Variants in PLEKHG7 observed in about 807,000 individuals in gnomAD.
The protein encoded by PLEKHG7 is pleckstrin homology and RhoGEF domain containing G7.
PLEKHG7 carries 77 observed loss-of-function variants against 85.2 expected under a neutral mutation model. That is an observed-to-expected ratio of 0.90 (90% CI 0.75 to 1.09). PLEKHG7 has a LOEUF of 1.09. Ranked by LOEUF, PLEKHG7 falls within the 50% of genes least tolerant of loss-of-function variation. PLEKHG7 has a pLI of 0.00. For synonymous variants in PLEKHG7, 301 were observed against 302.4 expected, an observed-to-expected ratio of 1.00 and a Z score of 0.05; for missense variants, 777 against 804.3, an observed-to-expected ratio of 0.97 and a Z score of 0.41.
intron 10 of PLEKHG7, among the ~76,000 whole-genome samples, chr12:92,749,114 A>G (rs910180488): frequency 2.6e-5 from 4 of 152,334 alleles, no homozygotes. Context: ...TTCTTGGAGA[A>G]CGTAAACCTA....
intron 6 of PLEKHG7, among the ~76,000 whole-genome samples, chr12:92,737,173 T>C (rs1872181541): frequency 6.6e-6 from 1 of 152,192 alleles, no homozygotes; most frequent in Non-Finnish European, 1.5e-5. Flanking sequence ...TTAGGAGGAA[T>C]TGGCATCCCG....
At chr12:92,761,667 A>AAAG (rs942717827) in intron 13 of PLEKHG7, 85 bp from the exon 14 acceptor site, 15 of 1,264,578 alleles carry the variant, frequency 1.2e-5, no homozygotes, top group African/African-American at 1.7e-5. Context: ...AGAAAGAAAG[A>AAAG]AAGAAAGAAA....
At chr12:92,754,388 G>A in intron 11 of PLEKHG7, 124 bp downstream of exon 11, 2 of 922,058 alleles carry the variant, frequency 2.2e-6, no homozygotes, top group Admixed American at 4.8e-5. Flanking sequence ...TGGAAATGTG[G>A]GTTCAAGTGT....
intron 10 of PLEKHG7, among the ~76,000 whole-genome samples, chr12:92,748,725 C>T (rs4760494): frequency 6.6e-6 from 1 of 151,920 alleles, no homozygotes; most frequent in Non-Finnish European, 1.5e-5. Context: ...AGAACCATAG[C>T]AAGATTTTCA....
intron 3 of PLEKHG7, among the ~76,000 whole-genome samples, chr12:92,713,429 C>T (rs1022095538): frequency 4.6e-5 from 7 of 152,146 alleles, no homozygotes; most frequent in Non-Finnish European, 7.4e-5. Flanking sequence ...TTCTGATTGC[C>T]GCTTTGCCTC....
rs190140662 is a variant in PLEKHG7 at position 92,724,446 on chromosome 12, G to A, written c.531-4547G>A. Among the ~76,000 whole-genome samples, 359 of 152,250 alleles carry A rather than the reference G, an allele frequency of 2.4e-3. 2 individuals carry two copies. The highest frequency in any genetic ancestry group is 2.8e-3 in the Non-Finnish European group (187 of 67,998). ...AGTAGAGAAAAAGTCAAACAGGACC[G>A]TAGAATGCTGAAAGATGGCCTCATC... On this transcript the variant is annotated intron_variant, in intron 3 of 16. Coordinates refer to ENST00000344636, the MANE Select transcript of PLEKHG7 (RefSeq NM_001377329.1).
chr12:92,734,538 C>T (rs1045646200), intron 5 of PLEKHG7, among the ~76,000 whole-genome samples: 5 of 152,172 alleles, frequency 3.3e-5, no homozygotes, highest in Non-Finnish European at 4.4e-5. Context: ...GACTAGTTTG[C>T]CTGAGGACAC....
chr12:92,770,099 G>A lies in PLEKHG7; in HGVS notation c.1980G>A (p.Met660Ile). Residue 660 changes from methionine (M) to isoleucine (I), a missense_variant, in exon 17 of 17, where the codon ATG (methionine) becomes ATA (isoleucine). This residue lies in a region of PLEKHG7 where 520 missense variants were observed against 544.0 expected (regional missense o/e 0.96). Coordinates refer to ENST00000344636, the MANE Select transcript of PLEKHG7 (RefSeq NM_001377329.1). ...AQTENIKKTW[M>I]AQITTAISCF... ...CTTTTTTTCAACAGAAAACATGGAT[G>A]GCACAAATAACAACTGCAATTTCTT... The A allele has an allele frequency of 1.3e-6, 2 of 1,588,222 alleles. No homozygotes were observed. The highest frequency in any genetic ancestry group is 1.7e-6 in the Non-Finnish European group (2 of 1,169,828).
At position 92,706,518 on chromosome 12, in the gene PLEKHG7, C is replaced by T. The variant is rs374059519; in HGVS notation, c.-114C>T. ...CTCCTCTGGAAAAGGAAAAGAACTA[C>T]GAGAGGAAGCATGGCACTTGGATGC... On this transcript the variant is annotated 5_prime_UTR_variant, in exon 2 of 17. It adds an upstream start codon to the 5' untranslated region. Transcript: ENST00000344636. The T allele has an allele frequency of 1.1e-5, 14 of 1,304,626 alleles. No individual in the cohort carries two copies. Among genetic ancestry groups the T allele is most frequent in the South Asian group, 6.2e-5 (4 of 64,410 alleles). 80.8% of individuals were successfully genotyped at this position (1,304,626 alleles called of 1,614,324 possible). A position where few individuals can be genotyped will look rare whatever the true frequency, so the allele number is the denominator to read the frequency against.
chr12:92,758,051 A>G (rs540429380), intron 13 of PLEKHG7, among the ~76,000 whole-genome samples: 3 of 152,318 alleles, frequency 2.0e-5, no homozygotes, highest in Admixed American at 1.3e-4. Flanking sequence ...AAACATAACA[A>G]TTTTAACTTT....
At chr12:92,753,532 ACT>A (rs1872747104) in intron 10 of PLEKHG7, among the ~76,000 whole-genome samples, 1 of 149,922 alleles carries the variant, frequency 6.7e-6, no homozygotes, top group Non-Finnish European at 1.5e-5. Context: ...CCAACTCCAA[ACT>A]CTCCCTATTG....
At chr12:92,747,033 A>G (rs4760401) in intron 10 of PLEKHG7, among the ~76,000 whole-genome samples, 32,857 of 152,184 alleles carry the variant, frequency 0.22, 4,738 homozygotes, top group Non-Finnish European at 0.32. Context: ...GACAAATAGT[A>G]CTATATTAAA....
intron 3 of PLEKHG7, among the ~76,000 whole-genome samples, chr12:92,723,525 T>C (rs553625783): frequency 6.6e-6 from 1 of 152,346 alleles, no homozygotes; most frequent in Non-Finnish European, 1.5e-5. Flanking sequence ...TATTATAATA[T>C]ATTCAATAAT....
At chr12:92,757,096 G>T (rs1037865487) in intron 13 of PLEKHG7, among the ~76,000 whole-genome samples, 9 of 152,222 alleles carry the variant, frequency 5.9e-5, no homozygotes, top group African/African-American at 2.2e-4. Context: ...AGAGTACATA[G>T]GAAGCCAAGC....
At chr12:92,711,085 T>C (rs1178279541) in intron 3 of PLEKHG7, among the ~76,000 whole-genome samples, 2 of 152,154 alleles carry the variant, frequency 1.3e-5, no homozygotes, top group African/African-American at 4.8e-5. Flanking sequence ...TAAATCAGTA[T>C]ATAATCGCAC....
chr12:92,727,947 T>TGTGC, intron 3 of PLEKHG7, among the ~76,000 whole-genome samples: 1 of 131,072 alleles, frequency 7.6e-6, no homozygotes. Flanking sequence ...TGTGTGTGTG[T>TGTGC]GTGTGTGTGT....
intron 7 of PLEKHG7, among the ~76,000 whole-genome samples, chr12:92,738,489 T>C (rs1405930445): frequency 6.6e-6 from 1 of 152,172 alleles, no homozygotes; most frequent in Admixed American, 6.5e-5. Flanking sequence ...AAACCAGGGG[T>C]TGACAAATCT....
intron 3 of PLEKHG7, chr12:92,708,010 C>G (rs1871289713): frequency 3.1e-6 from 1 of 325,930 alleles, no homozygotes; most frequent in Admixed American, 4.4e-5. Flanking sequence ...TATGCAACAG[C>G]TTTTCAAAGA....
At chr12:92,710,717 T>A (rs1165301151) in intron 3 of PLEKHG7, among the ~76,000 whole-genome samples, 3 of 152,222 alleles carry the variant, frequency 2.0e-5, no homozygotes, top group Non-Finnish European at 2.9e-5. Context: ...GAAGTGGCTG[T>A]AGCCAGGTCA....
Sources: gnomAD v4.1 joint callset for allele counts (sites outside exome capture counted in the v4.1 genomes callset) on GRCh38, gnomAD v4.1.1 for gene constraint, gnomAD v4.1.1 regional missense constraint, MANE v1.5 for transcripts, NCBI Gene and HGNC (gene_info 2026-07-23, HGNC 2026-07-21) for gene names.